Variants in SLC26A3 observed in about 807,000 individuals in gnomAD.
SLC26A3 encodes the protein chloride anion exchanger.
Under a neutral mutation model 85.6 loss-of-function variants are expected in SLC26A3, and 64 were observed. The ratio of observed to expected loss-of-function variants is 0.75; its 90% CI spans 0.61 to 0.92. SLC26A3 has a LOEUF of 0.92. Ranked by LOEUF, SLC26A3 falls within the 40% of genes least tolerant of loss-of-function variation. SLC26A3 has a pLI of 0.00. For synonymous variants in SLC26A3, 349 were observed against 336.0 expected (o/e 1.04, Z -0.42); for missense variants, 922 against 927.3 (o/e 0.99, Z 0.07).
At position 107,787,431 on chromosome 7, in the gene SLC26A3, C is replaced by G; in HGVS notation, c.814G>C (p.Val272Leu). Residue 272 changes from valine to leucine, a missense_variant, in exon 7 of 21, where the codon GTA becomes CTA. Physicochemically the swap from Val to Leu is conservative, Grantham distance 32. Transcript: ENST00000340010. The stretch of plus-strand genomic sequence containing the variant: ...TGATTTATTTCTTTAACAATGGATA[C>G]AACCAAAAGGACAATCAGAGCTGTC... ...LVTALIVLLV[V>L]SIVKEINQRF... is the part of the protein sequence containing the mutation. The G allele has an allele frequency of 6.2e-7, 1 of 1,613,886 alleles. No individual in the cohort carries two copies. Among genetic ancestry groups the G allele is most frequent in the East Asian group, 2.2e-5 (1 of 44,860 alleles).
At position 107,776,444 on chromosome 7, in the gene SLC26A3, A is replaced by C. The variant is rs761934735; in HGVS notation, c.1677+8T>G. On this transcript the variant is annotated splice_region_variant and intron_variant, in intron 15 of 20. Coordinates refer to ENST00000340010, the MANE Select transcript of SLC26A3 (RefSeq NM_000111.3). ...CAAGGAAAAAAATTAAATAACCCCA[A>C]ACCTTACAGCATCGATAAGTTTCCG... The C allele has an allele frequency of 1.0e-5, 16 of 1,606,834 alleles. No homozygotes were observed. Among genetic ancestry groups the C allele is most frequent in the Non-Finnish European group, 1.4e-5 (16 of 1,173,568 alleles).
chr7:107,791,528 C>T (rs1794402156), intron 4 of SLC26A3, among the ~76,000 whole-genome samples: 1 of 152,138 alleles, frequency 6.6e-6, no homozygotes, highest in African/African-American at 2.4e-5. Context: ...AGGAGAATCG[C>T]TTGAACCTGG....
At chr7:107,776,785 A>G in intron 13 of SLC26A3, 79 bp from the exon 14 acceptor site, 1 of 1,302,196 alleles carries the variant, frequency 7.7e-7, no homozygotes, top group South Asian at 1.2e-5. Flanking sequence ...TTTTTCCAGC[A>G]TACCAAAGCA....
intron 1 of SLC26A3, among the ~76,000 whole-genome samples, chr7:107,801,014 A>G (rs941200208): frequency 2.6e-5 from 4 of 152,250 alleles, no homozygotes; most frequent in African/African-American, 9.6e-5. Context: ...AAGGGATTTC[A>G]CACCCAGTAG....
At chr7:107,795,780 T>C (rs1794485836) in intron 1 of SLC26A3, among the ~76,000 whole-genome samples, 1 of 152,138 alleles carries the variant, frequency 6.6e-6, no homozygotes, top group Non-Finnish European at 1.5e-5. Flanking sequence ...CCAAGTTTTG[T>C]TCCTCAGCTT....
In SLC26A3 at chr7:107,801,476, C is replaced by G. The variant is rs575990640; in HGVS notation, c.-89+1635G>C. ...TTGCTTTATTCTTCCCCTTGCTTCT[C>G]AACAAAGTGACACAGAGGCTAGAGG... On this transcript the variant is annotated intron_variant, in intron 1 of 20. Coordinates refer to ENST00000340010, the MANE Select transcript of SLC26A3 (RefSeq NM_000111.3). Among the ~76,000 whole-genome samples the G allele has an allele frequency of 1.8e-3, 271 of 152,272 alleles. 1 individual carries two copies. Among genetic ancestry groups the G allele is most frequent in the Admixed American group, 2.2e-3 (34 of 15,294 alleles).
At chr7:107,771,234 A>AT (rs1794024844) in intron 18 of SLC26A3, among the ~76,000 whole-genome samples, 1 of 152,114 alleles carries the variant, frequency 6.6e-6, no homozygotes. Context: ...GGAAAGAAGT[A>AT]TTTTTGGGAG....
intron 8 of SLC26A3, 115 bp downstream of exon 8, chr7:107,786,712 G>T: frequency 4.6e-6 from 4 of 870,484 alleles, no homozygotes; most frequent in Non-Finnish European, 7.9e-6. Context: ...GTGCAGGGAG[G>T]ATTCTGATGA....
chr7:107,769,300 C>T (rs1793965598), intron 18 of SLC26A3, among the ~76,000 whole-genome samples: 1 of 151,968 alleles, frequency 6.6e-6, no homozygotes, highest in Non-Finnish European at 1.5e-5. Flanking sequence ...CTGCACTATT[C>T]ACAATAGCAA....
Position 107,786,853 on chromosome 7 carries a change from C to A in SLC26A3, c.945G>T (p.Val315=), listed in dbSNP as rs1794304395. The part of the protein sequence containing the change: ...YGCDFKNRFK[V]AVVGDMNPGF... ...CAGGATTCATGTCCCCAACCACAGC[C>A]ACTTTAAACCTGTTTTTAAAGTCAC... is the stretch of plus-strand genomic sequence containing the variant. The change falls in exon 8 of 21, where the codon GTG becomes GTT. Residue 315 remains valine, a synonymous_variant. Coordinates refer to ENST00000340010, the MANE Select transcript of SLC26A3 (RefSeq NM_000111.3). The A allele has an allele frequency of 6.2e-7, 1 of 1,613,946 alleles. No individual in the cohort carries two copies. Among genetic ancestry groups the A allele is most frequent in the African/African-American group, 1.3e-5 (1 of 74,916 alleles).
intron 9 of SLC26A3, 25 bp downstream of exon 9, chr7:107,783,180 G>C: frequency 6.2e-7 from 1 of 1,614,080 alleles, no homozygotes; most frequent in Non-Finnish European, 8.5e-7. Context: ...TGCCCAGTGA[G>C]ACCCAGTGTA....
intron 7 of SLC26A3, 100 bp downstream of exon 7, chr7:107,787,257 G>T: frequency 8.6e-7 from 1 of 1,169,258 alleles, no homozygotes. Flanking sequence ...TGCAGAGATG[G>T]CCTCTGCCCC....
At chr7:107,791,972 C>T (rs1323576064) in intron 3 of SLC26A3, 32 bp from the exon 4 acceptor site, 3 of 1,297,522 alleles carry the variant, frequency 2.3e-6, no homozygotes, top group Non-Finnish European at 2.2e-6. Context: ...AGCCCTTACT[C>T]TGTGCAAGAG....
At chr7:107,784,106 G>A (rs1272647017) in intron 8 of SLC26A3, among the ~76,000 whole-genome samples, 2 of 152,180 alleles carry the variant, frequency 1.3e-5, no homozygotes, top group Admixed American at 1.3e-4. Context: ...TTGGAAGTGG[G>A]TTAATTAGGT....
chr7:107,774,007 C>G lies in SLC26A3; in HGVS notation c.1920G>C (p.Glu640Asp). 6.2e-7 allele frequency: 1 copy of G among 1,614,172 alleles called. No homozygotes were observed. Among genetic ancestry groups the G allele is most frequent in the Non-Finnish European group, 8.5e-7 (1 of 1,180,018 alleles). The change falls in exon 17 of 21, where the codon GAG becomes GAC. Residue 640 changes from glutamate (E) to aspartate (D), a missense_variant. Glu to Asp is a conservative substitution (Grantham distance 45). Coordinates refer to ENST00000340010, the MANE Select transcript of SLC26A3 (RefSeq NM_000111.3). ...DWNDDLPLNI[E>D]VPKISLHSLI... ...GGCTGTGGAGGCTGATTTTGGGGAC[C>G]TCAATGTTGAGAGGAAGATCATCAT...
chr7:107,792,213 C>T (rs944948567), intron 3 of SLC26A3, among the ~76,000 whole-genome samples: 1 of 152,110 alleles, frequency 6.6e-6, no homozygotes, highest in African/African-American at 2.4e-5. Flanking sequence ...GCACCAGAGA[C>T]TGGTTTTGTG....
rs150654349 is a variant in SLC26A3 at position 107,789,306 on chromosome 7, G to A, written c.735+218C>T. Among the ~76,000 whole-genome samples, 2,742 of 150,510 alleles carry A rather than the reference G, an allele frequency of 0.018. 67 individuals carry two copies. Among genetic ancestry groups the A allele is most frequent in the African/African-American group, 0.064 (2,600 of 40,882 alleles). On this transcript the variant is annotated intron_variant, in intron 6 of 20. Coordinates refer to ENST00000340010, the MANE Select transcript of SLC26A3 (RefSeq NM_000111.3). The stretch of plus-strand genomic sequence containing the variant: ...TATTTTTTTTTTTTAATTTTTAGTA[G>A]AGACGGGGTTTCACTGTGTTAGCCA...
intron 1 of SLC26A3, among the ~76,000 whole-genome samples, chr7:107,802,219 T>C (rs1794612584): frequency 1.3e-5 from 2 of 152,160 alleles, no homozygotes; most frequent in South Asian, 4.1e-4. Flanking sequence ...TGTTCCTCAC[T>C]TGCATATATA....
intron 13 of SLC26A3, among the ~76,000 whole-genome samples, chr7:107,777,955 A>C (rs1166100456): frequency 6.6e-6 from 1 of 152,244 alleles, no homozygotes; most frequent in Non-Finnish European, 1.5e-5. Flanking sequence ...AAGCAGACCA[A>C]CAGCAAGTCT....
Sources: gnomAD v4.1 joint callset for allele counts (sites outside exome capture counted in the v4.1 genomes callset) on GRCh38, gnomAD v4.1.1 for gene constraint, MANE v1.5 for transcripts, NCBI Gene and HGNC (gene_info 2026-07-23, HGNC 2026-07-21) for gene names.